CLIC5: variants seen among roughly 807,000 people sequenced by gnomAD.
CLIC5 encodes CLIC family member 5, also known as chloride intracellular channel protein 5.
Under a neutral mutation model 24.7 loss-of-function variants are expected in CLIC5, and 20 were observed. That is an observed-to-expected ratio of 0.81 (90% CI 0.57 to 1.18). The LOEUF (loss-of-function observed/expected upper bound fraction) is 1.18, where lower values mean the gene tolerates loss of function less well. Among genes scored for constraint, CLIC5 ranks in the 50% most tolerant of loss-of-function variants. CLIC5 has a pLI of 0.00. For missense variants in CLIC5, 341 were observed against 326.1 expected (o/e 1.05, Z -0.35); for synonymous variants, 159 against 135.6 (o/e 1.17, Z -1.20).
At chr6:45,950,906 C>T (rs150279654) in intron 2 of CLIC5, among the ~76,000 whole-genome samples, 32 of 152,110 alleles carry the variant, frequency 2.1e-4, no homozygotes, top group African/African-American at 7.2e-4. Context: ...ATACATAAAT[C>T]AAAAATCTCC....
chr6:46,062,289 A>C (rs1762305593), intron 1 of CLIC5, among the ~76,000 whole-genome samples: 1 of 152,258 alleles, frequency 6.6e-6, no homozygotes, highest in Non-Finnish European at 1.5e-5. Flanking sequence ...GAGTGTAAAA[A>C]AAAATGCACT....
chr6:45,887,558 C>T (rs1024449899), intron 6 of CLIC5, among the ~76,000 whole-genome samples: 4 of 151,956 alleles, frequency 2.6e-5, no homozygotes, highest in African/African-American at 9.7e-5. Flanking sequence ...AGCTTTATAT[C>T]TCAAGCATAG....
intron 1 of CLIC5, among the ~76,000 whole-genome samples, chr6:45,958,437 T>TATATATACACACACACACACAC (rs1554151272): frequency 2.6e-4 from 2 of 7,768 alleles, no homozygotes; most frequent in South Asian, 6.2e-3. Flanking sequence ...TATATATATA[T>TATATATACACACACACACACAC]ATATATATAT....
upstream of CLIC5, chr6:46,015,968 A>T: frequency 4.4e-6 from 4 of 899,754 alleles, no homozygotes; most frequent in Non-Finnish European, 5.3e-6. Context: ...GGGCCGGGCC[A>T]CGGCCCCCCG....
At chr6:46,048,193 G>C (rs1248273326) in intron 1 of CLIC5, among the ~76,000 whole-genome samples, 1 of 152,096 alleles carries the variant, frequency 6.6e-6, no homozygotes, top group African/African-American at 2.4e-5. Flanking sequence ...ACTAGAGACA[G>C]GGTTTTGCCA....
the CLIC5 span, among the ~76,000 whole-genome samples, chr6:46,121,002 A>G: frequency 1.1e-4 from 16 of 152,308 alleles, no homozygotes; most frequent in African/African-American, 3.8e-4. Context: ...GTTGGAAAAC[A>G]CTCTGCAGGA....
the CLIC5 span, among the ~76,000 whole-genome samples, chr6:46,128,239 C>G: frequency 2.0e-5 from 3 of 152,150 alleles, no homozygotes; most frequent in East Asian, 3.9e-4. Context: ...CCTAATTTAA[C>G]CCAGCCACAC....
chr6:46,012,545 A>G (rs1417173085), intron 1 of CLIC5, among the ~76,000 whole-genome samples: 1 of 152,258 alleles, frequency 6.6e-6, no homozygotes, highest in African/African-American at 2.4e-5. Context: ...TGGATTAATA[A>G]CATAAATAAA....
At chr6:45,968,525 C>T (rs1421497626) in intron 1 of CLIC5, among the ~76,000 whole-genome samples, 2 of 152,134 alleles carry the variant, frequency 1.3e-5, no homozygotes, top group Non-Finnish European at 2.9e-5. Context: ...GTTACTTCTG[C>T]AGCTCTGAAA....
intron 1 of CLIC5, among the ~76,000 whole-genome samples, chr6:45,962,522 A>G (rs1181295282): frequency 6.6e-6 from 1 of 151,410 alleles, no homozygotes; most frequent in African/African-American, 2.4e-5. Flanking sequence ...AGAAGCATCC[A>G]GAGTAATGTC....
chr6:46,088,637 A>C, the CLIC5 span, among the ~76,000 whole-genome samples: 1 of 152,094 alleles, frequency 6.6e-6, no homozygotes, highest in Non-Finnish European at 1.5e-5. Flanking sequence ...AATCATGTAC[A>C]TTTTTATTCT....
At chr6:46,076,671 G>T (rs1762779523) in intron 1 of CLIC5, among the ~76,000 whole-genome samples, 1 of 152,204 alleles carries the variant, frequency 6.6e-6, no homozygotes, top group Non-Finnish European at 1.5e-5. Flanking sequence ...CCCCAGAACT[G>T]TAAGAGAATA....
Position 45,914,352 on chromosome 6 carries a change from G to T in CLIC5, c.464C>A (p.Pro155His). The T allele has an allele frequency of 1.2e-6, 2 of 1,606,354 alleles. No homozygotes were observed. Among genetic ancestry groups the T allele is most frequent in the Admixed American group, 1.7e-5 (1 of 59,776 alleles). Residue 155 changes from proline (P) to histidine (H), a missense_variant, in exon 5 of 6, where the codon CCT (proline) becomes CAT (histidine). Physicochemically the swap from Pro to His is moderately conservative, Grantham distance 77. Transcript: ENST00000339561. ...LKKLDDYLNT[P>H]LPEEIDANTC... ...GTTGGCGTCAATCTCCTCTGGTAGA[G>T]GGGTGTTCAGGTAGTCATCCAATTT... is the stretch of plus-strand genomic sequence containing the variant.
At chr6:45,914,206 C>A in intron 5 of CLIC5, 22 bp downstream of exon 5, 1 of 1,532,940 alleles carries the variant, frequency 6.5e-7, no homozygotes, top group Non-Finnish European at 8.9e-7. Flanking sequence ...CTTGCAGGCC[C>A]CTGTGGGTAG....
At chr6:46,073,398 G>A (rs1043429855) in intron 1 of CLIC5, among the ~76,000 whole-genome samples, 11 of 152,204 alleles carry the variant, frequency 7.2e-5, no homozygotes, top group East Asian at 5.8e-4. Context: ...CTTTTTCCAC[G>A]AAAATTGGTT....
At chr6:46,080,468 C>T (rs1180872181), upstream of CLIC5, 1 of 511,538 alleles carries the variant, frequency 2.0e-6, no homozygotes, top group African/African-American at 1.9e-5. Flanking sequence ...ACTCAGTTAA[C>T]TCCTTCACTC....
chr6:45,979,727 T>G (rs1765504640), intron 1 of CLIC5, among the ~76,000 whole-genome samples: 1 of 96,976 alleles, frequency 1.0e-5, no homozygotes, highest in Non-Finnish European at 2.8e-5. Context: ...ATTATATTTT[T>G]GAGTGATCCC....
At chr6:46,075,375 C>A (rs957271208) in intron 1 of CLIC5, among the ~76,000 whole-genome samples, 2 of 151,642 alleles carry the variant, frequency 1.3e-5, no homozygotes, top group African/African-American at 4.9e-5. Flanking sequence ...TAAGAACAGC[C>A]CTGGCAACGG....
rs576145015 is a variant in CLIC5, at chr6:45,999,512, AC to A, written c.63+15967del. 1.6e-4 allele frequency among the ~76,000 whole-genome samples: 25 copies of A among 152,204 alleles called. No homozygotes were observed. In the South Asian group the frequency reaches 4.6e-3, roughly 28 times the overall value. ...TATATTATGTGTGTGTATACAGTTG[AC>A]CCTTGCAAAACACAAGTTTGAACTG... On this transcript the variant is annotated intron_variant, in intron 1 of 5. Coordinates refer to ENST00000339561, the MANE Select transcript of CLIC5 (RefSeq NM_016929.5).
Sources: allele counts gnomAD v4.1 joint callset (sites outside exome capture counted in the v4.1 genomes callset), GRCh38; gene constraint gnomAD v4.1.1; transcripts MANE v1.5; gene names NCBI Gene and HGNC (gene_info 2026-07-23, HGNC 2026-07-21).